The following ROBO1 variants were observed in gnomAD, a reference collection of about 807,000 sequenced individuals.
The protein encoded by ROBO1 is roundabout homolog 1.
In ROBO1, 149 loss-of-function variants were observed where a neutral mutation model predicts 195.9. That is an observed-to-expected ratio of 0.76 (90% CI 0.67 to 0.87). The LOEUF (loss-of-function observed/expected upper bound fraction) is 0.87, where lower values mean the gene tolerates loss of function less well. ROBO1 is among the 40% of genes least tolerant of loss of function. ROBO1 has a pLI of 0.00. For missense variants in ROBO1, 1,933 were observed against 2,068.3 expected, an observed-to-expected ratio of 0.93 and a Z score of 1.27; for synonymous variants, 816 against 733.2, an observed-to-expected ratio of 1.11 and a Z score of -1.82.
intron 2 of ROBO1, among the ~76,000 whole-genome samples, chr3:79,366,851 A>G (rs965235243): frequency 6.6e-6 from 1 of 151,686 alleles, no homozygotes; most frequent in Non-Finnish European, 1.5e-5. Context: ...CTAAAACCAC[A>G]TTAGTCTCTT....
intron 18 of ROBO1, among the ~76,000 whole-genome samples, chr3:78,655,855 G>A (rs562091376): frequency 2.6e-5 from 4 of 152,042 alleles, no homozygotes; most frequent in Middle Eastern, 3.4e-3. Flanking sequence ...CTAATATTTC[G>A]CTAGTAATAA....
chr3:79,685,396 T>A (rs1368567017), intron 1 of ROBO1, among the ~76,000 whole-genome samples: 1 of 150,134 alleles, frequency 6.7e-6, no homozygotes, highest in Non-Finnish European at 1.5e-5. Flanking sequence ...TATGTGGAAG[T>A]TTTTTAAAGG....
At chr3:79,159,509 A>T (rs974141702) in intron 2 of ROBO1, among the ~76,000 whole-genome samples, 3 of 151,956 alleles carry the variant, frequency 2.0e-5, no homozygotes, top group Admixed American at 6.6e-5. Context: ...ACCACTACAT[A>T]ATATGTTGGT....
At chr3:79,460,233 C>T (rs1937585802) in intron 2 of ROBO1, among the ~76,000 whole-genome samples, 3 of 152,070 alleles carry the variant, frequency 2.0e-5, no homozygotes, top group Non-Finnish European at 4.4e-5. Flanking sequence ...ATATACTTCC[C>T]ATTTACTGAG....
At chr3:78,670,381 A>G (rs1707999727) in intron 10 of ROBO1, 80 bp from the exon 11 acceptor site, 1 of 1,202,684 alleles carries the variant, frequency 8.3e-7, no homozygotes. Context: ...CAGTTGTTCT[A>G]GGCTTTGAAA....
At chr3:79,124,013 A>C (rs538253908) in intron 3 of ROBO1, among the ~76,000 whole-genome samples, 1 of 152,234 alleles carries the variant, frequency 6.6e-6, no homozygotes, top group African/African-American at 2.4e-5. Context: ...GCAGTTGTTT[A>C]GACTGGGTGA....
chr3:79,503,649 T>C (rs958960111), intron 2 of ROBO1, among the ~76,000 whole-genome samples: 2 of 152,230 alleles, frequency 1.3e-5, no homozygotes, highest in Middle Eastern at 3.4e-3. Context: ...TATAGGAAGA[T>C]GAAGAAATAA....
chr3:79,480,614 GTGTA>G (rs2107375515), intron 2 of ROBO1, among the ~76,000 whole-genome samples: 1 of 152,230 alleles, frequency 6.6e-6, no homozygotes, highest in East Asian at 1.9e-4. Context: ...AAGAATTTGT[GTGTA>G]TGTGTGTGTG....
intron 2 of ROBO1, among the ~76,000 whole-genome samples, chr3:79,325,688 T>C (rs923820340): frequency 6.6e-6 from 1 of 152,228 alleles, no homozygotes; most frequent in Non-Finnish European, 1.5e-5. Context: ...GAAGATTTCA[T>C]GGACACTTAT....
chr3:79,505,013 T>C (rs1038492632), intron 2 of ROBO1, among the ~76,000 whole-genome samples: 1 of 140,132 alleles, frequency 7.1e-6, no homozygotes, highest in Non-Finnish European at 1.5e-5. Context: ...TTATAGATGC[T>C]AAGAATACCT....
At chr3:78,991,781 T>A (rs899278229) in intron 3 of ROBO1, among the ~76,000 whole-genome samples, 2 of 152,016 alleles carry the variant, frequency 1.3e-5, no homozygotes, top group Non-Finnish European at 2.9e-5. Flanking sequence ...TTATCAGACA[T>A]ACGAGAAAAA....
chr3:79,280,465 A>T (rs2031420146), intron 2 of ROBO1, among the ~76,000 whole-genome samples: 1 of 152,172 alleles, frequency 6.6e-6, no homozygotes, highest in Admixed American at 6.5e-5. Flanking sequence ...GGACAAACAG[A>T]GGGAGCAGAT....
chr3:78,642,236 C>T (rs1330024411), intron 21 of ROBO1, among the ~76,000 whole-genome samples: 1 of 152,066 alleles, frequency 6.6e-6, no homozygotes, highest in Non-Finnish European at 1.5e-5. Context: ...AGGGCAAATG[C>T]ACTTTAGTAA....
chr3:79,058,289 G>A (rs776595657), intron 3 of ROBO1, among the ~76,000 whole-genome samples: 1 of 152,026 alleles, frequency 6.6e-6, no homozygotes, highest in East Asian at 1.9e-4. Context: ...GGAATGCCTG[G>A]AGGCTACTTA....
At chr3:78,926,099 G>A (rs906420902) in intron 4 of ROBO1, among the ~76,000 whole-genome samples, 4 of 152,012 alleles carry the variant, frequency 2.6e-5, no homozygotes, top group African/African-American at 9.7e-5. Flanking sequence ...TCAAACTCCT[G>A]ACCTCATGAT....
At chr3:79,491,353 C>T (rs892623596) in intron 2 of ROBO1, among the ~76,000 whole-genome samples, 1 of 151,788 alleles carries the variant, frequency 6.6e-6, no homozygotes, top group African/African-American at 2.4e-5. Flanking sequence ...AAGCTGGGTT[C>T]TCTTGAGCTC....
In ROBO1 at chr3:79,434,927, G is replaced by A. The variant is rs546781390; in HGVS notation, c.88+154897C>T. On this transcript the variant is annotated intron_variant, in intron 2 of 30. Transcript: ENST00000464233. ...TATCCTTTGTAGGGACATGGATGAA[G>A]CTGGAAACCATCATTCTCAGCAAAC... 3.3e-5 allele frequency among the ~76,000 whole-genome samples: 5 copies of A among 152,170 alleles called. No individual in the cohort carries two copies. In the South Asian group the frequency reaches 1.0e-3, roughly 32 times the overall value.
intron 2 of ROBO1, among the ~76,000 whole-genome samples, chr3:79,381,802 T>C (rs1381401078): frequency 6.6e-6 from 1 of 152,066 alleles, no homozygotes; most frequent in African/African-American, 2.4e-5. Flanking sequence ...GGTATATATA[T>C]ATAATTATAG....
At chr3:78,626,876 CTG>C (rs1704825319) in intron 26 of ROBO1, among the ~76,000 whole-genome samples, 1 of 152,086 alleles carries the variant, frequency 6.6e-6, no homozygotes, top group African/African-American at 2.4e-5. Flanking sequence ...ACTCATTCTT[CTG>C]TGACATTATA....
Sources: allele counts gnomAD v4.1 joint callset (sites outside exome capture counted in the v4.1 genomes callset), GRCh38; gene constraint gnomAD v4.1.1; transcripts MANE v1.5; gene names NCBI Gene and HGNC (gene_info 2026-07-23, HGNC 2026-07-21).